The following TNFSF15 variants were observed in gnomAD, a reference collection of about 807,000 sequenced individuals.
The protein encoded by TNFSF15 is tumor necrosis factor ligand superfamily member 15.
Under a neutral mutation model 26.4 loss-of-function variants are expected in TNFSF15, and 15 were observed. The observed-to-expected ratio is 0.57, with a 90% CI of 0.38 to 0.87. The LOEUF (loss-of-function observed/expected upper bound fraction) is 0.87. Among genes scored for constraint, TNFSF15 ranks in the 40% least tolerant of loss-of-function variants. The pLI is 0.00. For missense variants in TNFSF15, 290 were observed against 306.1 expected (o/e 0.95, Z 0.39); for synonymous variants, 116 against 115.0 (o/e 1.01, Z -0.06).
intron 2 of TNFSF15, 44 bp downstream of exon 2, chr9:114,793,482 T>C: frequency 6.2e-7 from 1 of 1,607,814 alleles, no homozygotes; most frequent in Non-Finnish European, 8.5e-7. Context: ...CTAGAAATGT[T>C]CTTATTCCCC....
At chr9:114,794,564 C>T (rs945977973) in intron 1 of TNFSF15, among the ~76,000 whole-genome samples, 3 of 152,080 alleles carry the variant, frequency 2.0e-5, no homozygotes, top group Admixed American at 6.5e-5. Context: ...GGGATACTTG[C>T]GCTCACATGC....
At chr9:114,797,683 T>A (rs10120258) in intron 1 of TNFSF15, among the ~76,000 whole-genome samples, 9,590 of 152,284 alleles carry the variant, frequency 0.063, 724 homozygotes, top group African/African-American at 0.18. Flanking sequence ...CTTCTTGTTA[T>A]TCTGGGGGCA....
In TNFSF15 at chr9:114,790,516, C is replaced by T; in HGVS notation, c.692G>A (p.Ser231Asn). The T allele has an allele frequency of 1.2e-6, 2 of 1,614,144 alleles. No individual in the cohort carries two copies. Among genetic ancestry groups the T allele is most frequent in the East Asian group, 2.2e-5 (1 of 44,880 alleles). ...TGTGTAATCCACCAAAGAGATGTCA[C>T]TGACGTTCACCATTAGCTTGTCCCC... ...QEGDKLMVNV[S>N]DISLVDYTKE... Residue 231 changes from serine (S) to asparagine (N), a missense_variant, in exon 4 of 4, where the codon AGT becomes AAT. Physicochemically the swap from Ser to Asn is conservative, Grantham distance 46. This residue lies in a region of TNFSF15 where 102 missense variants were observed against 114.7 expected (regional missense o/e 0.89). Transcript: ENST00000374045.
At position 114,789,141 on chromosome 9, in the gene TNFSF15, A is replaced by G. The variant is rs1315060819; in HGVS notation, c.*1311T>C. ...ATAAGTCCATTGTCTCTCAGCATCA[A>G]ACAAGTTGGCAGTGTAGTTGATCTA... On this transcript the variant is annotated 3_prime_UTR_variant, in exon 4 of 4. Transcript: ENST00000374045. The G allele has an allele frequency of 1.3e-5, 2 of 152,186 alleles. No individual in the cohort carries two copies. Among genetic ancestry groups the G allele is most frequent in the African/African-American group, 2.4e-5 (1 of 41,448 alleles). The allele number at this position is 152,186 out of a possible 1,614,324, so 9.4% of individuals were successfully genotyped here.
intron 1 of TNFSF15, among the ~76,000 whole-genome samples, chr9:114,801,901 A>C (rs1234267118): frequency 6.6e-6 from 1 of 152,186 alleles, no homozygotes; most frequent in African/African-American, 2.4e-5. Flanking sequence ...CAAGCCACCC[A>C]GTTTTCTACC....
rs1829576060 is a variant in TNFSF15, at chr9:114,790,416, G to A, written c.*36C>T. ...AACAAAGAAAATTAGGAACTCGGTG[G>A]CAGAGGACTTTCATATAATGATATT... On this transcript the variant is annotated 3_prime_UTR_variant, in exon 4 of 4. Coordinates refer to ENST00000374045, the MANE Select transcript of TNFSF15 (RefSeq NM_005118.4). 1.1e-5 allele frequency: 16 copies of A among 1,520,502 alleles called. No homozygotes were observed. Among genetic ancestry groups the A allele is most frequent in the East Asian group, 6.8e-5 (3 of 44,072 alleles). The allele number at this position is 1,520,502 out of a possible 1,614,324, so 94.2% of individuals were successfully genotyped here. A position where few individuals can be genotyped will look rare whatever the true frequency, so the allele number is the denominator to read the frequency against.
intron 2 of TNFSF15, 86 bp from the exon 3 acceptor site, chr9:114,792,540 G>T: frequency 6.3e-7 from 1 of 1,597,682 alleles, no homozygotes; most frequent in East Asian, 2.2e-5. Context: ...TGGCGCCTAT[G>T]ATAGGAGAGA....
chr9:114,800,303 C>T (rs1829728868), intron 1 of TNFSF15, among the ~76,000 whole-genome samples: 1 of 152,148 alleles, frequency 6.6e-6, no homozygotes, highest in Admixed American at 6.5e-5. Flanking sequence ...CCCACCCCTC[C>T]AACCCTCCCT....
Position 114,790,857 on chromosome 9 carries a change from C to A in TNFSF15, c.351G>T (p.Leu117=). Residue 117 remains leucine, a synonymous_variant, in exon 4 of 4, where the codon CTG becomes CTT. Coordinates refer to ENST00000374045, the MANE Select transcript of TNFSF15 (RefSeq NM_005118.4). ...TQHFKNQFPA[L]HWEHELGLAF... ...CCAGGCCTAGTTCATGTTCCCAGTG[C>A]AGAGCTGGGAACTGATTTTTAAAGT... 4 of 1,614,094 alleles carry A rather than the reference C, an allele frequency of 2.5e-6. No individual in the cohort carries two copies. Among genetic ancestry groups the A allele is most frequent in the East Asian group, 2.2e-5 (1 of 44,872 alleles).
Position 114,792,425 on chromosome 9 carries a change from G to A in TNFSF15, c.283C>T (p.Pro95Ser). 1 of 1,614,098 alleles carries A rather than the reference G, an allele frequency of 6.2e-7. No individual in the cohort carries two copies. The highest frequency in any genetic ancestry group is 8.5e-7 in the Non-Finnish European group (1 of 1,179,968). Residue 95 changes from proline (P) to serine (S), a missense_variant, in exon 3 of 4, where the codon CCA (proline) becomes TCA (serine). Coordinates refer to ENST00000374045, the MANE Select transcript of TNFSF15 (RefSeq NM_005118.4). ...YAPLRADGDK[P>S]RAHLTVVRQT... ...GGCTTACCTGTCAGGTGTGCCCTTG[G>A]CTTATCTCCGTCTGCTCTAAGAGGT...
At chr9:114,792,000 G>T (rs998387409) in intron 3 of TNFSF15, 1 of 180,652 alleles carries the variant, frequency 5.5e-6, no homozygotes, top group African/African-American at 2.4e-5. Context: ...AGGAGAGAAA[G>T]AGAGAGGGCT....
intron 1 of TNFSF15, among the ~76,000 whole-genome samples, chr9:114,804,433 C>T (rs1829789927): frequency 6.6e-6 from 1 of 152,172 alleles, no homozygotes; most frequent in Non-Finnish European, 1.5e-5. Context: ...ACCAAGGGCT[C>T]TCAGACATCA....
chr9:114,793,638 A>G, intron 1 of TNFSF15, 70 bp from the exon 2 acceptor site: 1 of 1,449,076 alleles, frequency 6.9e-7, no homozygotes, highest in African/African-American at 1.4e-5. Context: ...AGCTTCCCAT[A>G]GCACAGGTAT....
At chr9:114,794,002 C>T (rs1320403524) in intron 1 of TNFSF15, among the ~76,000 whole-genome samples, 2 of 152,192 alleles carry the variant, frequency 1.3e-5, no homozygotes, top group African/African-American at 4.8e-5. Context: ...TTTTCATCAG[C>T]CTCAACAATT....
At chr9:114,803,364 T>C (rs1829773451) in intron 1 of TNFSF15, among the ~76,000 whole-genome samples, 1 of 152,176 alleles carries the variant, frequency 6.6e-6, no homozygotes, top group African/African-American at 2.4e-5. Flanking sequence ...AGAGTATTGA[T>C]ATTAATACCC....
Position 114,790,663 on chromosome 9 carries a change from G to C in TNFSF15, c.545C>G (p.Thr182Ser), listed in dbSNP as rs149700202. The C allele has an allele frequency of 5.6e-6, 9 of 1,614,046 alleles. No homozygotes were observed. Among genetic ancestry groups the C allele is most frequent in the Non-Finnish European group, 6.8e-6 (8 of 1,180,004 alleles). The change falls in exon 4 of 4, where the codon ACC (threonine) becomes AGC (serine). Residue 182 changes from threonine to serine, a missense_variant. Transcript: ENST00000374045. ...NKPDSITVVITKVTDSYPEPT... is the reference protein window; with the variant it reads ...NKPDSITVVISKVTDSYPEPT... Reference sequence around the variant, plus strand: ...CTCAGGGTAGCTGTCTGTTACCTTGGTGATGACCACAGTGATGGAGTCTGG... The same window carrying C: ...CTCAGGGTAGCTGTCTGTTACCTTGCTGATGACCACAGTGATGGAGTCTGG...
At chr9:114,796,444 C>T (rs1217661682) in intron 1 of TNFSF15, among the ~76,000 whole-genome samples, 1 of 152,224 alleles carries the variant, frequency 6.6e-6, no homozygotes, top group Non-Finnish European at 1.5e-5. Flanking sequence ...ATTTACTTCT[C>T]TCTAAGCCCT....
At chr9:114,800,015 A>T (rs1348843551) in intron 1 of TNFSF15, among the ~76,000 whole-genome samples, 1 of 152,142 alleles carries the variant, frequency 6.6e-6, no homozygotes, top group African/African-American at 2.4e-5. Context: ...AAGTACTTTT[A>T]TCTCAACTAT....
Position 114,787,083 on chromosome 9 carries a change from C to T in TNFSF15, c.*3369G>A, listed in dbSNP as rs1831962038. Reference sequence around the variant, plus strand: ...ATTTTCAAAGCATTTCTGGGTCATCCATAAAATTCTAATATTTTTAAGGGT... The same window carrying T: ...ATTTTCAAAGCATTTCTGGGTCATCTATAAAATTCTAATATTTTTAAGGGT... On this transcript the variant is annotated 3_prime_UTR_variant, in exon 4 of 4. Transcript: ENST00000374045. 6.6e-6 allele frequency: 1 copy of T among 152,052 alleles called. No individual in the cohort carries two copies. Among genetic ancestry groups the T allele is most frequent in the African/African-American group, 2.4e-5 (1 of 41,388 alleles). The allele number at this position is 152,052 out of a possible 1,614,324, so 9.4% of individuals were successfully genotyped here. A position where few individuals can be genotyped will look rare whatever the true frequency, so the allele number is the denominator to read the frequency against.
Sources: allele counts gnomAD v4.1 joint callset (sites outside exome capture counted in the v4.1 genomes callset), GRCh38; gene constraint gnomAD v4.1.1; regional missense constraint gnomAD v4.1.1; transcripts MANE v1.5; gene names NCBI Gene and HGNC (gene_info 2026-07-23, HGNC 2026-07-21).